The following SLC17A1 variants were observed in gnomAD, a reference collection of about 807,000 sequenced individuals.
SLC17A1 encodes the protein sodium-dependent phosphate transport protein 1.
SLC17A1 carries 51 observed loss-of-function variants against 53.5 expected under a neutral mutation model. The observed-to-expected ratio is 0.95, with a 90% CI of 0.76 to 1.20. The LOEUF is 1.20. SLC17A1 is among the 50% of genes most tolerant of loss of function. The probability of loss-of-function intolerance (pLI) is 0.00; values close to 1 mark genes in which losing one functional copy is unlikely to be tolerated. For missense variants in SLC17A1, 538 were observed against 568.2 expected, an observed-to-expected ratio of 0.95 and a Z score of 0.54; for synonymous variants, 179 against 198.8, an observed-to-expected ratio of 0.90 and a Z score of 0.84.
chr6:25,726,012 G>A, the SLC17A1 span: 10 of 870,674 alleles, frequency 1.1e-5, no homozygotes, highest in Admixed American at 2.5e-5. Context: ...AAGTAAGATG[G>A]CTGGTTAACA....
the SLC17A1 span, chr6:25,732,953 G>T: frequency 4.4e-6 from 1 of 225,364 alleles, no homozygotes; most frequent in Non-Finnish European, 8.8e-6. Flanking sequence ...CTCAATTTCT[G>T]AGAAAGAGCT....
At chr6:25,759,283 G>C in the SLC17A1 span, among the ~76,000 whole-genome samples, 1 of 151,982 alleles carries the variant, frequency 6.6e-6, no homozygotes, top group Non-Finnish European at 1.5e-5. Context: ...CAGTTGTTGG[G>C]TAGAGTGTTC....
the SLC17A1 span, among the ~76,000 whole-genome samples, chr6:25,766,424 C>G: frequency 6.6e-6 from 1 of 152,134 alleles, no homozygotes; most frequent in African/African-American, 2.4e-5. Context: ...GAAGATGGAG[C>G]TTAGCTCCTT....
the SLC17A1 span, among the ~76,000 whole-genome samples, chr6:25,744,117 T>C: frequency 6.6e-6 from 1 of 152,188 alleles, no homozygotes; most frequent in Non-Finnish European, 1.5e-5. Context: ...CTAGAGAACA[T>C]GGACATACAG....
chr6:25,750,429 A>G, the SLC17A1 span, among the ~76,000 whole-genome samples: 1 of 152,200 alleles, frequency 6.6e-6, no homozygotes, highest in Non-Finnish European at 1.5e-5. Context: ...GAAACTAAAA[A>G]CTGTAGACTT....
At chr6:25,762,028 G>A in the SLC17A1 span, 3 of 1,613,260 alleles carry the variant, frequency 1.9e-6, no homozygotes, top group East Asian at 6.7e-5. Flanking sequence ...ATTTAAACGT[G>A]GCTCAAGAGG....
the SLC17A1 span, chr6:25,726,290 T>A: frequency 6.2e-7 from 1 of 1,614,064 alleles, no homozygotes; most frequent in Non-Finnish European, 8.5e-7. Context: ...TGGCGGGGAA[T>A]AATGCGAGTT....
chr6:25,769,560 A>AC, the SLC17A1 span, among the ~76,000 whole-genome samples: 2,457 of 150,750 alleles, frequency 0.016, 36 homozygotes, highest in Middle Eastern at 0.038. Context: ...TCTGTCTTAA[A>AC]AAAAAAAAAA....
intron 12 of SLC17A1, among the ~76,000 whole-genome samples, chr6:25,785,153 G>T (rs1008187781): frequency 2.6e-5 from 4 of 152,058 alleles, no homozygotes; most frequent in African/African-American, 9.7e-5. Context: ...TCAATTTCAA[G>T]TAGCATAAAA....
chr6:25,735,812 T>A, the SLC17A1 span, among the ~76,000 whole-genome samples: 1 of 152,090 alleles, frequency 6.6e-6, no homozygotes. Flanking sequence ...ATGATGAAAA[T>A]GGTCAATCAG....
intron 8 of SLC17A1, 70 bp downstream of exon 8, chr6:25,812,761 T>A (rs1561836016): frequency 2.6e-6 from 3 of 1,165,748 alleles, no homozygotes; most frequent in East Asian, 5.0e-5. Flanking sequence ...GCGACTAGGG[T>A]CGTTAGAGAC....
chr6:25,776,617 C>T, the SLC17A1 span: 29 of 1,610,454 alleles, frequency 1.8e-5, no homozygotes, highest in South Asian at 1.2e-4. Context: ...TCTGCCTTGC[C>T]GTTTGTTGTT....
At chr6:25,796,511 C>A (rs1362639419) in intron 12 of SLC17A1, among the ~76,000 whole-genome samples, 3 of 151,988 alleles carry the variant, frequency 2.0e-5, no homozygotes, top group African/African-American at 7.3e-5. Flanking sequence ...GAGGCTGAGG[C>A]ACGAGGATTA....
chr6:25,828,395 T>A (rs1176519430), intron 2 of SLC17A1, among the ~76,000 whole-genome samples: 3 of 152,130 alleles, frequency 2.0e-5, no homozygotes, highest in African/African-American at 2.4e-5. Flanking sequence ...AACTAAGAAT[T>A]TTTTATTGCA....
At chr6:25,775,798 T>C in the SLC17A1 span, among the ~76,000 whole-genome samples, 1 of 152,202 alleles carries the variant, frequency 6.6e-6, no homozygotes, top group Non-Finnish European at 1.5e-5. Context: ...TGTATTCTTA[T>C]TTTCCCAACT....
At chr6:25,743,505 T>A in the SLC17A1 span, among the ~76,000 whole-genome samples, 5 of 152,186 alleles carry the variant, frequency 3.3e-5, no homozygotes, top group Admixed American at 1.3e-4. Flanking sequence ...TGTGAGTTAG[T>A]GTTACCATGA....
the SLC17A1 span, chr6:25,726,468 A>G: frequency 3.2e-5 from 51 of 1,613,692 alleles, no homozygotes; most frequent in East Asian, 6.7e-5. Flanking sequence ...AACCCGCTCT[A>G]GAAGAGCGAG....
chr6:25,755,789 C>T, the SLC17A1 span, among the ~76,000 whole-genome samples: 2 of 152,158 alleles, frequency 1.3e-5, no homozygotes, highest in African/African-American at 4.8e-5. Flanking sequence ...CCCAAGTGTC[C>T]AAAATAAAGT....
the SLC17A1 span, among the ~76,000 whole-genome samples, chr6:25,754,945 G>A: frequency 1.6e-4 from 24 of 151,808 alleles, no homozygotes; most frequent in African/African-American, 5.8e-4. Flanking sequence ...AAGTGAGAAG[G>A]GATGTTGCAT....
Sources: allele counts gnomAD v4.1 joint callset (sites outside exome capture counted in the v4.1 genomes callset), GRCh38; gene constraint gnomAD v4.1.1; transcripts MANE v1.5; gene names NCBI Gene and HGNC (gene_info 2026-07-23, HGNC 2026-07-21).